Variants in DAB1 observed in about 807,000 individuals in gnomAD.
The protein encoded by DAB1 is disabled homolog 1.
In DAB1, 15 loss-of-function variants were observed where a neutral mutation model predicts 64.6. The observed-to-expected ratio is 0.23, with a 90% CI of 0.16 to 0.36. The LOEUF (loss-of-function observed/expected upper bound fraction) is 0.36. Among genes scored for constraint, DAB1 ranks in the 10% least tolerant of loss-of-function variants. DAB1 has a pLI of 1.00. For missense variants in DAB1, 596 were observed against 706.7 expected (o/e 0.84, Z 1.78); for synonymous variants, 235 against 251.9 (o/e 0.93, Z 0.64).
chr1:58,137,066 T>C (rs749282808), intron 5 of DAB1, among the ~76,000 whole-genome samples: 1 of 152,096 alleles, frequency 6.6e-6, no homozygotes, highest in Non-Finnish European at 1.5e-5. Context: ...GAAGTGTGTG[T>C]GTTTCTCTGC....
intron 6 of DAB1, among the ~76,000 whole-genome samples, chr1:57,763,775 T>A (rs1285054639): frequency 6.6e-6 from 1 of 152,164 alleles, no homozygotes; most frequent in Non-Finnish European, 1.5e-5. Context: ...GATTTCTGAA[T>A]CCCCTGTACA....
At chr1:58,312,791 T>C (rs772839812) in intron 4 of DAB1, among the ~76,000 whole-genome samples, 1 of 152,182 alleles carries the variant, frequency 6.6e-6, no homozygotes, top group African/African-American at 2.4e-5. Flanking sequence ...TTACTAGTTG[T>C]GTGAACTCAG....
intron 3 of DAB1, among the ~76,000 whole-genome samples, chr1:58,501,473 C>A (rs1242508342): frequency 6.6e-6 from 1 of 152,208 alleles, no homozygotes; most frequent in Non-Finnish European, 1.5e-5. Flanking sequence ...TGAACAAAAG[C>A]CAAAGTCCTT....
chr1:57,426,902 C>T (rs1476168823), upstream of DAB1, among the ~76,000 whole-genome samples: 1 of 139,518 alleles, frequency 7.2e-6, no homozygotes, highest in Non-Finnish European at 1.7e-5. Context: ...CTGGCTCTGT[C>T]GCCCAGGCTG....
intron 1 of DAB1, among the ~76,000 whole-genome samples, chr1:57,362,795 C>T (rs1679661696): frequency 6.6e-6 from 1 of 152,050 alleles, no homozygotes; most frequent in Non-Finnish European, 1.5e-5. Flanking sequence ...GATTAAGACA[C>T]CCACCCAAAA....
At chr1:58,137,979 C>A (rs1476298281) in intron 5 of DAB1, among the ~76,000 whole-genome samples, 1 of 152,036 alleles carries the variant, frequency 6.6e-6, no homozygotes, top group African/African-American at 2.4e-5. Flanking sequence ...TTGGTCAAGA[C>A]CTGTACTTAC....
chr1:57,354,667 G>C (rs536662324), intron 1 of DAB1, among the ~76,000 whole-genome samples: 3 of 152,104 alleles, frequency 2.0e-5, no homozygotes, highest in Non-Finnish European at 2.9e-5. Flanking sequence ...GTTCCACATG[G>C]GTCCTGAGAG....
At chr1:57,921,379 GTTTTTA>G in intron 5 of DAB1, among the ~76,000 whole-genome samples, 1 of 152,194 alleles carries the variant, frequency 6.6e-6, no homozygotes, top group African/African-American at 2.4e-5. Flanking sequence ...TATTTTAATT[GTTTTTA>G]CCAGGAGGAT....
intron 4 of DAB1, among the ~76,000 whole-genome samples, chr1:57,107,742 TG>T (rs1375251004): frequency 3.3e-5 from 5 of 152,186 alleles, no homozygotes; most frequent in Non-Finnish European, 5.9e-5. Context: ...AAGATTCCTT[TG>T]TAAGAACACT....
At chr1:57,611,399 A>G (rs1645725070) in intron 7 of DAB1, among the ~76,000 whole-genome samples, 1 of 152,148 alleles carries the variant, frequency 6.6e-6, no homozygotes, top group South Asian at 2.1e-4. Flanking sequence ...TTGAGGGAAA[A>G]GAATAAAAAC....
rs569657006 is a variant in DAB1 at position 57,756,228 on chromosome 1, G to A, written n.552-106563C>T. 2.6e-4 allele frequency among the ~76,000 whole-genome samples: 40 copies of A among 152,264 alleles called. No homozygotes were observed. The South Asian group carries it at 8.3e-3, about 32-fold the overall frequency. On this transcript the variant is annotated intron_variant and non_coding_transcript_variant, in intron 6 of 20. Transcript: ENST00000485760. ...CAAATAACATAATGACAGTCACATT[G>A]CCCTCATTTTTATGTAGTATAGTGG...
At chr1:57,553,414 G>GAAAAAGAAAGAA (rs752389243) in intron 7 of DAB1, among the ~76,000 whole-genome samples, 1 of 20,358 alleles carries the variant, frequency 4.9e-5, no homozygotes, top group African/African-American at 8.4e-5. Flanking sequence ...AAGAAAGAAA[G>GAAAAAGAAAGAA]AAAGAAAGAA....
At chr1:57,112,491 T>C (rs908494467) in intron 4 of DAB1, among the ~76,000 whole-genome samples, 3 of 151,920 alleles carry the variant, frequency 2.0e-5, no homozygotes. Flanking sequence ...TTTCAAAGAG[T>C]AACTATGAAT....
intron 1 of DAB1, among the ~76,000 whole-genome samples, chr1:57,373,955 C>T (rs982371275): frequency 6.6e-6 from 1 of 152,172 alleles, no homozygotes; most frequent in African/African-American, 2.4e-5. Context: ...GGAAGCATAT[C>T]CCAAAGGGGA....
chr1:57,815,455 C>T (rs1395361151), intron 6 of DAB1, among the ~76,000 whole-genome samples: 1 of 152,134 alleles, frequency 6.6e-6, no homozygotes, highest in East Asian at 1.9e-4. Flanking sequence ...GGAAGTAACT[C>T]ACCCATAGTA....
At chr1:58,368,809 A>G (rs1179282318) in intron 3 of DAB1, among the ~76,000 whole-genome samples, 2 of 152,188 alleles carry the variant, frequency 1.3e-5, no homozygotes, top group African/African-American at 4.8e-5. Flanking sequence ...TGGGACAAGC[A>G]GAAATATCAG....
At chr1:57,316,911 C>G (rs1675261801) in intron 1 of DAB1, among the ~76,000 whole-genome samples, 1 of 152,228 alleles carries the variant, frequency 6.6e-6, no homozygotes, top group South Asian at 2.1e-4. Flanking sequence ...GTAGTCTCCT[C>G]ACTGAGTGTG....
At chr1:58,545,981 C>A (rs936289288) in intron 1 of DAB1, among the ~76,000 whole-genome samples, 1 of 152,168 alleles carries the variant, frequency 6.6e-6, no homozygotes, top group African/African-American at 2.4e-5. Flanking sequence ...GAGGGTTGCA[C>A]GACCTTGATC....
At chr1:57,707,078 A>T (rs1022102511) in intron 6 of DAB1, among the ~76,000 whole-genome samples, 5 of 151,992 alleles carry the variant, frequency 3.3e-5, no homozygotes, top group African/African-American at 1.2e-4. Context: ...CCATCTCAAA[A>T]ACAAACAAAC....
Sources: gnomAD v4.1 joint callset for allele counts (sites outside exome capture counted in the v4.1 genomes callset) on GRCh38, gnomAD v4.1.1 for gene constraint, MANE v1.5 for transcripts, NCBI Gene and HGNC (gene_info 2026-07-23, HGNC 2026-07-21) for gene names.